The following TMEM117 variants were observed in gnomAD, a reference collection of about 807,000 sequenced individuals.
The protein encoded by TMEM117 is transmembrane protein 117.
Under a neutral mutation model 52.4 loss-of-function variants are expected in TMEM117, and 27 were observed. The observed-to-expected ratio is 0.51, with a 90% CI of 0.38 to 0.71. TMEM117 has a LOEUF of 0.71. Ranked by LOEUF, TMEM117 falls within the 30% of genes least tolerant of loss-of-function variation. TMEM117 has a pLI of 0.00. For missense variants in TMEM117, 556 were observed against 630.5 expected (o/e 0.88, Z 1.26); for synonymous variants, 215 against 206.3 (o/e 1.04, Z -0.36).
intron 5 of TMEM117, among the ~76,000 whole-genome samples, chr12:44,259,978 T>G (rs1272793113): frequency 6.6e-6 from 1 of 152,174 alleles, no homozygotes; most frequent in African/African-American, 2.4e-5. Context: ...ATATGATATC[T>G]GAGAACATTT....
intron 5 of TMEM117, among the ~76,000 whole-genome samples, chr12:44,252,713 T>C (rs1950210228): frequency 6.6e-6 from 1 of 152,156 alleles, no homozygotes; most frequent in South Asian, 2.1e-4. Context: ...GGAATCCCTT[T>C]ATCAGTTACA....
intron 5 of TMEM117, among the ~76,000 whole-genome samples, chr12:44,268,182 G>A (rs543582590): frequency 5.3e-5 from 8 of 151,688 alleles, no homozygotes; most frequent in African/African-American, 1.7e-4. Flanking sequence ...CTGTTGCCCA[G>A]CTTGGAGTGC....
intron 4 of TMEM117, among the ~76,000 whole-genome samples, chr12:44,168,201 T>C (rs1051308747): frequency 4.0e-5 from 6 of 151,098 alleles, no homozygotes; most frequent in African/African-American, 1.5e-4. Context: ...TGCAGGGAGC[T>C]GAGATGGCGC....
intron 4 of TMEM117, among the ~76,000 whole-genome samples, chr12:44,144,107 A>T (rs1423220777): frequency 6.6e-6 from 1 of 152,134 alleles, no homozygotes; most frequent in Admixed American, 6.5e-5. Context: ...TATTTTCCTC[A>T]TTGGAACTAC....
At position 44,325,837 on chromosome 12, in the gene TMEM117, A is replaced by G. The variant is rs143798877; in HGVS notation, c.768+26098A>G. 3.2e-3 allele frequency among the ~76,000 whole-genome samples: 488 copies of G among 152,266 alleles called. 3 individuals are homozygous for G. The highest frequency in any genetic ancestry group is 0.011 in the African/African-American group (456 of 41,558). On this transcript the variant is annotated intron_variant, in intron 6 of 7. Coordinates refer to ENST00000266534, the MANE Select transcript of TMEM117 (RefSeq NM_032256.3). ...ACACTGCTCATAGAAAATTTTATAT[A>G]AAACATATAAAAAAGGTCAGGATAG...
At chr12:44,152,365 A>G (rs887839278) in intron 4 of TMEM117, among the ~76,000 whole-genome samples, 2 of 108,206 alleles carry the variant, frequency 1.8e-5, no homozygotes, top group Non-Finnish European at 3.3e-5. Context: ...TATATGTATT[A>G]TATCATATAT....
chr12:43,864,772 AAGC>A (rs1470404512), intron 2 of TMEM117, among the ~76,000 whole-genome samples: 1 of 152,146 alleles, frequency 6.6e-6, no homozygotes, highest in Non-Finnish European at 1.5e-5. Context: ...AAGAGAATAA[AAGC>A]AGGCTGCTGG....
At chr12:44,017,907 T>C (rs1191790151) in intron 3 of TMEM117, among the ~76,000 whole-genome samples, 2 of 152,156 alleles carry the variant, frequency 1.3e-5, no homozygotes, top group Non-Finnish European at 2.9e-5. Flanking sequence ...TGACAGAGTT[T>C]TGATTTTTTT....
chr12:43,876,392 C>A (rs958155692), intron 2 of TMEM117, among the ~76,000 whole-genome samples: 17 of 152,148 alleles, frequency 1.1e-4, no homozygotes, highest in Non-Finnish European at 7.4e-5. Flanking sequence ...TTTCTAGGGT[C>A]ATTCAAGAGC....
chr12:44,211,359 A>G lies in TMEM117; in HGVS notation c.580A>G (p.Lys194Glu). ...WGKSARAFWK[K>E]GNVRITLFWT... is the part of the protein sequence containing the mutation. ...AAAATCAGCAAGAGCTTTCTGGAAG[A>G]AAGGAAATGTTAGGATCACTTTATT... Residue 194 changes from lysine (K) to glutamate (E), a missense_variant, in exon 5 of 8, where the codon AAA becomes GAA. Lys to Glu is a moderately conservative substitution (Grantham distance 56). Coordinates refer to ENST00000266534, the MANE Select transcript of TMEM117 (RefSeq NM_032256.3). 1 of 1,611,744 alleles carries G rather than the reference A, an allele frequency of 6.2e-7. No individual in the cohort carries two copies. Among genetic ancestry groups the G allele is most frequent in the South Asian group, 1.1e-5 (1 of 90,898 alleles).
chr12:43,797,992 T>G, the TMEM117 span: 26,490 of 712,028 alleles, frequency 0.037, 609 homozygotes, highest in African/African-American at 0.046. Context: ...TAGCATTTTG[T>G]CAACATGCAG....
At chr12:44,364,647 G>T (rs774637748) in intron 6 of TMEM117, among the ~76,000 whole-genome samples, 5 of 151,986 alleles carry the variant, frequency 3.3e-5, no homozygotes, top group African/African-American at 1.2e-4. Flanking sequence ...TAAGTGAAGG[G>T]CTTCTTGTAA....
At chr12:43,810,114 T>G in the TMEM117 span, among the ~76,000 whole-genome samples, 1 of 152,202 alleles carries the variant, frequency 6.6e-6, no homozygotes, top group Non-Finnish European at 1.5e-5. Context: ...ATGATAAGGA[T>G]GCATATTGGA....
chr12:44,291,597 C>T (rs1025179281), intron 5 of TMEM117, among the ~76,000 whole-genome samples: 2 of 151,756 alleles, frequency 1.3e-5, no homozygotes, highest in Non-Finnish European at 2.9e-5. Flanking sequence ...AAGCTTTCAT[C>T]TTTTCATTGT....
intron 3 of TMEM117, among the ~76,000 whole-genome samples, chr12:44,134,452 ATATATCAC>A (rs1308480470): frequency 2.6e-5 from 4 of 152,194 alleles, no homozygotes; most frequent in African/African-American, 9.7e-5. Context: ...TAACTGGACC[ATATATCAC>A]ATTTTTTAAC....
intron 3 of TMEM117, among the ~76,000 whole-genome samples, chr12:44,102,124 G>A (rs1947871519): frequency 6.6e-6 from 1 of 151,980 alleles, no homozygotes; most frequent in Non-Finnish European, 1.5e-5. Flanking sequence ...TCAGCCAAGA[G>A]AAGAAAAGCC....
chr12:44,255,318 A>G (rs979511993), intron 5 of TMEM117, among the ~76,000 whole-genome samples: 2 of 152,114 alleles, frequency 1.3e-5, no homozygotes. Flanking sequence ...AAAAGTGGGC[A>G]AAGGATATGA....
In TMEM117 at chr12:44,244,779, A is replaced by G. The variant is rs577799389; in HGVS notation, c.608+33392A>G. On this transcript the variant is annotated intron_variant, in intron 5 of 7. Coordinates refer to ENST00000266534, the MANE Select transcript of TMEM117 (RefSeq NM_032256.3). ...AAAAATCATTGCCCAGACCAATGTC[A>G]TGGATCTTTTCCTCAGTGTTTTCTT... Among the ~76,000 whole-genome samples the G allele has an allele frequency of 1.1e-4, 17 of 152,070 alleles. No homozygotes were observed. The South Asian group carries it at 3.5e-3, about 31-fold the overall frequency.
Position 44,143,523 on chromosome 12 carries a change from A to G in TMEM117, c.411-2A>G, listed in dbSNP as rs1304624132. 1 of 1,606,916 alleles carries G rather than the reference A, an allele frequency of 6.2e-7. No individual in the cohort carries two copies. Among genetic ancestry groups the G allele is most frequent in the Admixed American group, 1.7e-5 (1 of 58,650 alleles). On this transcript the variant is annotated splice_acceptor_variant, in intron 3 of 7. Transcript: ENST00000266534. LOFTEE classifies it high-confidence loss of function. The stretch of plus-strand genomic sequence containing the variant: ...CAATGTCTTGTGTGTTTGTTTCCAC[A>G]GAGCATATATCATTACAGACTATAT...
Sources: allele counts gnomAD v4.1 joint callset (sites outside exome capture counted in the v4.1 genomes callset), GRCh38; gene constraint gnomAD v4.1.1; transcripts MANE v1.5; gene names NCBI Gene and HGNC (gene_info 2026-07-23, HGNC 2026-07-21).